COMMD2: variants seen among roughly 807,000 people sequenced by gnomAD.
COMMD2 encodes the protein COMM domain containing 2, also known as COMM domain-containing protein 2.
In COMMD2, 25 loss-of-function variants were observed where a neutral mutation model predicts 22.5. The observed-to-expected ratio is 1.11, with a 90% CI of 0.81 to 1.55. The LOEUF is 1.55. Among genes scored for constraint, COMMD2 ranks in the 40% most tolerant of loss-of-function variants. The pLI is 0.00. For missense variants in COMMD2, 223 were observed against 232.9 expected (o/e 0.96, Z 0.28); for synonymous variants, 98 against 91.2 (o/e 1.07, Z -0.42).
chr3:149,749,472 A>T (rs1428278176), intron 4 of COMMD2, among the ~76,000 whole-genome samples: 2 of 152,204 alleles, frequency 1.3e-5, no homozygotes, highest in African/African-American at 4.8e-5. Flanking sequence ...GGGTGAAAAG[A>T]AGCTTTAAAA....
At position 149,750,859 on chromosome 3, in the gene COMMD2, A is replaced by T; in HGVS notation, c.229-8T>A. The stretch of plus-strand genomic sequence containing the variant: ...GAAATCCAGTTCAGAAATCTAAGTG[A>T]ATTGAGTTTAAAAGAACATCAAAAT... On this transcript the variant is annotated splice_polypyrimidine_tract_variant and splice_region_variant and intron_variant, in intron 3 of 4. Transcript: ENST00000473414. The T allele has an allele frequency of 6.5e-7, 1 of 1,538,388 alleles. No individual in the cohort carries two copies. The highest frequency in any genetic ancestry group is 8.8e-7 in the Non-Finnish European group (1 of 1,134,446).
intron 3 of COMMD2, 166 bp downstream of exon 3, chr3:149,751,234 TCAG>T: frequency 1.0e-6 from 1 of 993,400 alleles, no homozygotes; most frequent in Non-Finnish European, 1.4e-6. Context: ...GGTATTCATA[TCAG>T]CAGATGATAT....
At chr3:149,751,580 C>G (rs748246976) in intron 2 of COMMD2, 95 bp from the exon 3 acceptor site, 1 of 1,141,866 alleles carries the variant, frequency 8.8e-7, no homozygotes, top group Non-Finnish European at 1.2e-6. Flanking sequence ...TTCATTATTA[C>G]ATGTTTTCAA....
In COMMD2 at chr3:149,738,760, C is replaced by T. The variant is rs987952138; in HGVS notation, c.*2761G>A. On this transcript the variant is annotated 3_prime_UTR_variant, in exon 5 of 5. Transcript: ENST00000473414. ...CACATACTGTTATGAATTTTAATGG[C>T]TCCTACACATGCATCCTTTATATAT... The T allele has an allele frequency of 6.6e-6, 1 of 152,124 alleles. No individual in the cohort carries two copies. 9.4% of individuals were successfully genotyped at this position (152,124 alleles called of 1,614,324 possible). A position where few individuals can be genotyped will look rare whatever the true frequency, so the allele number is the denominator to read the frequency against.
chr3:149,751,213 T>C (rs1006104811), intron 3 of COMMD2, 190 bp downstream of exon 3: 7 of 781,670 alleles, frequency 9.0e-6, no homozygotes, highest in East Asian at 2.8e-5. Flanking sequence ...TAGCTATTTA[T>C]ACTAGCAAGA....
chr3:149,751,947 C>T (rs1159073091), intron 2 of COMMD2: 4 of 407,830 alleles, frequency 9.8e-6, no homozygotes, highest in Non-Finnish European at 1.7e-5. Flanking sequence ...TTATACAAAA[C>T]ACTTTTCAGT....
In COMMD2 at chr3:149,740,502, T is replaced by C. The variant is rs765391187; in HGVS notation, c.*1019A>G. The C allele has an allele frequency of 6.6e-6, 1 of 152,202 alleles. No individual in the cohort carries two copies. Among genetic ancestry groups the C allele is most frequent in the East Asian group, 1.9e-4 (1 of 5,200 alleles). The allele number at this position is 152,202 out of a possible 1,614,324, so 9.4% of individuals were successfully genotyped here. A position where few individuals can be genotyped will look rare whatever the true frequency, so the allele number is the denominator to read the frequency against. On this transcript the variant is annotated 3_prime_UTR_variant, in exon 5 of 5. Transcript: ENST00000473414. Reference sequence around the variant, plus strand: ...TGGGTATGGTGGAAGAATTAGTCCTTGATAAAATACAATATACGACCACAC... The same window carrying C: ...TGGGTATGGTGGAAGAATTAGTCCTCGATAAAATACAATATACGACCACAC...
chr3:149,752,353 G>C (rs1029704666), intron 1 of COMMD2, 25 bp downstream of exon 1: 4 of 1,613,966 alleles, frequency 2.5e-6, no homozygotes, highest in Non-Finnish European at 3.4e-6. Context: ...CCAGCCCACA[G>C]AACACCGCCC....
rs546783329 is a variant in COMMD2, at chr3:149,739,547, A to G, written c.*1974T>C. The G allele has an allele frequency of 1.3e-5, 2 of 152,358 alleles. No homozygotes were observed. The highest frequency in any genetic ancestry group is 1.3e-4 in the Admixed American group (2 of 15,300). 9.4% of individuals were successfully genotyped at this position (152,358 alleles called of 1,614,324 possible). A position where few individuals can be genotyped will look rare whatever the true frequency, so the allele number is the denominator to read the frequency against. On this transcript the variant is annotated 3_prime_UTR_variant, in exon 5 of 5. Transcript: ENST00000473414. ...GTTTTAATTGGGGTAAGAACAGTGGACAAAGAGTTGGAGATAGGTTGTTCT... is the reference window on the plus strand; with the variant it reads ...GTTTTAATTGGGGTAAGAACAGTGGGCAAAGAGTTGGAGATAGGTTGTTCT...
At chr3:149,750,458 G>A (rs1255610771) in intron 4 of COMMD2, 5 of 524,094 alleles carry the variant, frequency 9.5e-6, no homozygotes, top group Admixed American at 3.0e-5. Context: ...TCTCCTTTTC[G>A]AAAATAACCA....
chr3:149,752,146 G>A (rs1716548654), intron 2 of COMMD2, 64 bp downstream of exon 2: 4 of 1,343,126 alleles, frequency 3.0e-6, no homozygotes, highest in Non-Finnish European at 4.2e-6. Flanking sequence ...TTCTCTCCCG[G>A]GAGACAGGGA....
intron 4 of COMMD2, among the ~76,000 whole-genome samples, chr3:149,743,736 T>C (rs1473401470): frequency 1.3e-5 from 2 of 152,208 alleles, no homozygotes; most frequent in East Asian, 3.8e-4. Flanking sequence ...ATGACACATA[T>C]GCAAATTATA....
chr3:149,750,690 T>C lies in COMMD2; in HGVS notation c.390A>G (p.Arg130=), dbSNP rs773594301. ...SLPSYHNLEW[R]LDVQLASRSL... The stretch of plus-strand genomic sequence containing the variant: ...AAAAATGCTATACCTGTACATCTAG[T>C]CGCCATTCAAGGTTATGATAACTGG... Residue 130 remains arginine (R), a synonymous_variant, in exon 4 of 5, where the codon CGA becomes CGG. Coordinates refer to ENST00000473414, the MANE Select transcript of COMMD2 (RefSeq NM_016094.4). 6.4e-7 allele frequency: 1 copy of C among 1,572,828 alleles called. No homozygotes were observed. Among genetic ancestry groups the C allele is most frequent in the Admixed American group, 1.9e-5 (1 of 53,620 alleles).
Position 149,750,829 on chromosome 3 carries a change from T to G in COMMD2, c.251A>C (p.Asp84Ala). ...AGAGAATCCCAGAACAAAAACAGAG[T>G]CTTGGAAATCCAGTTCAGAAATCTA... is the stretch of plus-strand genomic sequence containing the variant. Reference protein sequence around the residue: ...KLMISELDFQDSVFVLGFSEE... With the variant: ...KLMISELDFQASVFVLGFSEE... Residue 84 changes from aspartate to alanine, a missense_variant, in exon 4 of 5, where the codon GAC (aspartate) becomes GCC (alanine). Asp to Ala is a moderately radical substitution (Grantham distance 126). Coordinates refer to ENST00000473414, the MANE Select transcript of COMMD2 (RefSeq NM_016094.4). 6.3e-7 allele frequency: 1 copy of G among 1,580,248 alleles called. No homozygotes were observed.
At chr3:149,747,482 T>C (rs1370348723) in intron 4 of COMMD2, among the ~76,000 whole-genome samples, 1 of 152,210 alleles carries the variant, frequency 6.6e-6, no homozygotes, top group Non-Finnish European at 1.5e-5. Context: ...AAGGCGTGAC[T>C]GTGACAAATG....
rs1716231773 is a variant in COMMD2 at position 149,741,642 on chromosome 3, T to C, written c.479A>G (p.His160Arg). 8 of 1,614,094 alleles carry C rather than the reference T, an allele frequency of 5.0e-6. No homozygotes were observed. Among genetic ancestry groups the C allele is most frequent in the Non-Finnish European group, 5.1e-6 (6 of 1,179,992 alleles). The change falls in exon 5 of 5, where the codon CAC (histidine) becomes CGC (arginine). Residue 160 changes from histidine (H) to arginine (R), a missense_variant. Transcript: ENST00000473414. ...IKLHLNQNGD[H>R]NTKVLQTDPA... ...GTCTGTCTGCAGAACTTTGGTGTTG[T>C]GATCTCCATTTTGATTAAGGTGTAG... is the stretch of plus-strand genomic sequence containing the variant.
rs1024974887 is a variant in COMMD2, at chr3:149,741,252, G to A, written c.*269C>T. 6.1e-6 allele frequency: 2 copies of A among 328,490 alleles called. No individual in the cohort carries two copies. Among genetic ancestry groups the A allele is most frequent in the African/African-American group, 4.3e-5 (2 of 46,964 alleles). The allele number at this position is 328,490 out of a possible 1,614,324, so 20.3% of individuals were successfully genotyped here. ...TGGCTAATTTTTTATATTTTTAGTA[G>A]AGATGGGGTTTCACCATGTTAGCCA... On this transcript the variant is annotated 3_prime_UTR_variant, in exon 5 of 5. Coordinates refer to ENST00000473414, the MANE Select transcript of COMMD2 (RefSeq NM_016094.4).
chr3:149,746,615 CAAAAAAAAA>C (rs34066660), intron 4 of COMMD2, among the ~76,000 whole-genome samples: 1 of 129,038 alleles, frequency 7.7e-6, no homozygotes, highest in Non-Finnish European at 1.7e-5. Flanking sequence ...ACTAAAAATA[CAAAAAAAAA>C]AAAAAAAAAT....
At chr3:149,743,666 T>C (rs187867706) in intron 4 of COMMD2, among the ~76,000 whole-genome samples, 16 of 152,320 alleles carry the variant, frequency 1.1e-4, no homozygotes, top group Admixed American at 1.0e-3. Context: ...AAACATAAAA[T>C]AGGTACTTGC....
Sources: gnomAD v4.1 joint callset for allele counts (sites outside exome capture counted in the v4.1 genomes callset) on GRCh38, gnomAD v4.1.1 for gene constraint, MANE v1.5 for transcripts, NCBI Gene and HGNC (gene_info 2026-07-23, HGNC 2026-07-21) for gene names.